ZEB1: variants seen among roughly 807,000 people sequenced by gnomAD.
The protein encoded by ZEB1 is zinc finger E-box binding homeobox 1.
In ZEB1, 21 loss-of-function variants were observed where a neutral mutation model predicts 84.9. That is an observed-to-expected ratio of 0.25 (90% CI 0.18 to 0.36). The LOEUF is 0.36. Among genes scored for constraint, ZEB1 ranks in the 10% least tolerant of loss-of-function variants. The pLI, the probability that ZEB1 is intolerant of heterozygous loss-of-function variation, is 1.00. For missense variants in ZEB1, 1,104 were observed against 1,330.2 expected, an observed-to-expected ratio of 0.83 and a Z score of 2.65; for synonymous variants, 420 against 471.1, an observed-to-expected ratio of 0.89 and a Z score of 1.41.
At chr10:31,345,483 C>A (rs2040141642) in intron 1 of ZEB1, among the ~76,000 whole-genome samples, 3 of 151,936 alleles carry the variant, frequency 2.0e-5, no homozygotes, top group Admixed American at 2.0e-4. Flanking sequence ...ATGAGTTGTC[C>A]ACCTGTATAA....
chr10:31,363,513 A>G (rs2043778885), intron 1 of ZEB1: 11 of 1,529,458 alleles, frequency 7.2e-6, no homozygotes, highest in Non-Finnish European at 7.9e-6. Context: ...CCCCATTGCT[A>G]CAGGGGCCCC....
At chr10:31,344,324 A>G (rs569856640) in intron 1 of ZEB1, among the ~76,000 whole-genome samples, 1 of 152,196 alleles carries the variant, frequency 6.6e-6, no homozygotes, top group South Asian at 2.1e-4. Context: ...TTAAAAGATT[A>G]TTTGTGTATT....
intron 1 of ZEB1, among the ~76,000 whole-genome samples, chr10:31,451,697 C>G (rs1435785793): frequency 6.6e-6 from 1 of 152,108 alleles, no homozygotes; most frequent in Non-Finnish European, 1.5e-5. Flanking sequence ...TTCACTGTTT[C>G]ATCTATCTGT....
intron 2 of ZEB1, among the ~76,000 whole-genome samples, chr10:31,462,759 T>C (rs1383634980): frequency 6.6e-6 from 1 of 152,164 alleles, no homozygotes; most frequent in Non-Finnish European, 1.5e-5. Flanking sequence ...ATTAAAATAA[T>C]TTATAAATAA....
At chr10:31,451,698 A>G (rs551002477) in intron 1 of ZEB1, among the ~76,000 whole-genome samples, 5 of 152,286 alleles carry the variant, frequency 3.3e-5, no homozygotes, top group African/African-American at 1.2e-4. Context: ...TCACTGTTTC[A>G]TCTATCTGTG....
chr10:31,484,278 T>C (rs1019053428), intron 2 of ZEB1, among the ~76,000 whole-genome samples: 1 of 152,098 alleles, frequency 6.6e-6, no homozygotes, highest in East Asian at 1.9e-4. Flanking sequence ...GATGTGGACA[T>C]CTTCATGGAT....
At chr10:31,342,727 G>A (rs2039622585) in intron 1 of ZEB1, among the ~76,000 whole-genome samples, 1 of 152,124 alleles carries the variant, frequency 6.6e-6, no homozygotes, top group African/African-American at 2.4e-5. Context: ...GTAGATTGAG[G>A]TTAGATCTGG....
intron 1 of ZEB1, among the ~76,000 whole-genome samples, chr10:31,426,991 T>C (rs1208847069): frequency 2.6e-5 from 4 of 152,150 alleles, no homozygotes; most frequent in African/African-American, 9.7e-5. Context: ...ATCATCTTTT[T>C]TATCTAAATT....
intron 5 of ZEB1, among the ~76,000 whole-genome samples, chr10:31,511,842 G>A (rs2070099523): frequency 6.6e-6 from 1 of 152,164 alleles, no homozygotes. Context: ...AATTGTAACA[G>A]AAAAAGAATG....
intron 4 of ZEB1, among the ~76,000 whole-genome samples, chr10:31,503,600 G>T (rs1186394310): frequency 1.3e-5 from 2 of 151,914 alleles, no homozygotes; most frequent in African/African-American, 4.8e-5. Flanking sequence ...GGAATTGCTG[G>T]ATCATATAAT....
In ZEB1 at chr10:31,527,208, C is replaced by G; in HGVS notation, c.3322C>G (p.Gln1108Glu). 1.2e-6 allele frequency: 2 copies of G among 1,611,076 alleles called. No homozygotes were observed. Among genetic ancestry groups the G allele is most frequent in the Non-Finnish European group, 1.7e-6 (2 of 1,178,826 alleles). The change falls in exon 9 of 9, where the codon CAA becomes GAA. Residue 1108 changes from glutamine (Q) to glutamate (E), a missense_variant. Coordinates refer to ENST00000424869, the MANE Select transcript of ZEB1 (RefSeq NM_001174096.2). ...RAESQASSLG[Q>E]KVGESSEQVS... Reference sequence around the variant, plus strand: ...TGAAAGTCAAGCAAGCAGCTTAGGACAAAAAGTAGGCGAGAGTAGTGAGCA... The same window carrying G: ...TGAAAGTCAAGCAAGCAGCTTAGGAGAAAAAGTAGGCGAGAGTAGTGAGCA...
intron 1 of ZEB1, among the ~76,000 whole-genome samples, chr10:31,455,744 A>G (rs2061133806): frequency 6.6e-6 from 1 of 152,200 alleles, no homozygotes; most frequent in African/African-American, 2.4e-5. Flanking sequence ...TGGTCATTAA[A>G]AAGTCAGGAA....
At chr10:31,376,958 T>C (rs2046740756) in intron 1 of ZEB1, among the ~76,000 whole-genome samples, 1 of 151,634 alleles carries the variant, frequency 6.6e-6, no homozygotes, top group African/African-American at 2.4e-5. Flanking sequence ...GAGCTTTTAT[T>C]ATTACTGCTA....
chr10:31,425,192 C>G (rs2056764587), intron 1 of ZEB1, among the ~76,000 whole-genome samples: 1 of 151,848 alleles, frequency 6.6e-6, no homozygotes, highest in South Asian at 2.1e-4. Context: ...AATACAAAGA[C>G]CAGAAAACCA....
intron 1 of ZEB1, among the ~76,000 whole-genome samples, chr10:31,415,469 C>T (rs1230329738): frequency 6.6e-6 from 1 of 151,848 alleles, no homozygotes; most frequent in Non-Finnish European, 1.5e-5. Context: ...GTCTTTTCGA[C>T]CATGTTCGTT....
chr10:31,426,428 C>T (rs1271706091), intron 1 of ZEB1, among the ~76,000 whole-genome samples: 1 of 152,128 alleles, frequency 6.6e-6, no homozygotes, highest in Non-Finnish European at 1.5e-5. Context: ...TTCCTTTTGG[C>T]CTTCTCAGAC....
intron 2 of ZEB1, among the ~76,000 whole-genome samples, chr10:31,495,144 G>A (rs376628916): frequency 3.3e-5 from 5 of 151,942 alleles, no homozygotes; most frequent in East Asian, 1.9e-4. Flanking sequence ...ACCTAATAAC[G>A]GCATGTCTTT....
rs1322287084 is a variant in ZEB1, at chr10:31,481,044, C to T, written c.260-14732C>T. 2.0e-5 allele frequency among the ~76,000 whole-genome samples: 3 copies of T among 152,130 alleles called. No individual in the cohort carries two copies. The East Asian group carries it at 5.8e-4, about 29-fold the overall frequency. ...CCCCCTATGCCTACTACCCTGTTTC[C>T]ATTCTCCTTCCAGTTATTAAATTTG... On this transcript the variant is annotated intron_variant, in intron 2 of 8. Transcript: ENST00000424869.
intron 1 of ZEB1, among the ~76,000 whole-genome samples, chr10:31,418,549 CAG>C (rs1228578820): frequency 1.3e-4 from 20 of 152,070 alleles, no homozygotes; most frequent in African/African-American, 4.3e-4. Context: ...AAAATAAAAA[CAG>C]AACTAGTTTG....
Sources: gnomAD v4.1 joint callset for allele counts (sites outside exome capture counted in the v4.1 genomes callset) on GRCh38, gnomAD v4.1.1 for gene constraint, MANE v1.5 for transcripts, NCBI Gene and HGNC (gene_info 2026-07-23, HGNC 2026-07-21) for gene names.